WDR33: variants seen among roughly 807,000 people sequenced by gnomAD.
WDR33 encodes WD repeat domain 33, also known as pre-mRNA 3' end processing protein WDR33.
A neutral mutation model predicts 164.9 loss-of-function variants in WDR33; 47 were observed. The ratio of observed to expected loss-of-function variants is 0.29; its 90% CI spans 0.23 to 0.36. The LOEUF (loss-of-function observed/expected upper bound fraction) is 0.36. Ranked by LOEUF, WDR33 falls within the 10% of genes least tolerant of loss-of-function variation. The pLI is 1.00. For missense variants in WDR33, 1,137 were observed against 1,754.1 expected, an observed-to-expected ratio of 0.65 and a Z score of 6.28; for synonymous variants, 505 against 589.0, an observed-to-expected ratio of 0.86 and a Z score of 2.06.
chr2:127,727,942 A>G (rs1686610717), intron 7 of WDR33, among the ~76,000 whole-genome samples: 3 of 152,378 alleles, frequency 2.0e-5, no homozygotes, highest in South Asian at 2.1e-4. Flanking sequence ...GTACCCGTTC[A>G]TAAGGGGAGA....
At chr2:127,711,780 A>ATATATATTTTTTTTTTTTTTTTTTTT in intron 18 of WDR33, among the ~76,000 whole-genome samples, 2 of 88,304 alleles carry the variant, frequency 2.3e-5, no homozygotes, top group African/African-American at 1.3e-4. Context: ...ATATATATAT[A>ATATATATTTTTTTTTTTTTTTTTTTT]TTTTTTTTTT....
At chr2:127,783,987 A>G (rs1373527052) in intron 1 of WDR33, among the ~76,000 whole-genome samples, 1 of 74,374 alleles carries the variant, frequency 1.3e-5, no homozygotes, top group African/African-American at 8.8e-5. Flanking sequence ...CATATTAGAA[A>G]TGAAAAAAAA....
chr2:127,737,373 G>T (rs1003047298), intron 7 of WDR33: 55 of 985,366 alleles, frequency 5.6e-5, no homozygotes, highest in Non-Finnish European at 6.5e-5. Flanking sequence ...ATGTGTGTGT[G>T]TATGTTCGGG....
Position 127,702,143 on chromosome 2 carries a change from C to T in WDR33, c.*4180G>A, listed in dbSNP as rs1194136357. On this transcript the variant is annotated 3_prime_UTR_variant, in exon 22 of 22. Coordinates refer to ENST00000322313, the MANE Select transcript of WDR33 (RefSeq NM_018383.5). ...GCCTCGCACTGGGTCGCCTGGGCCGCGGCGCCGGCCTCGCCAAGGTGCTGC... is the reference window on the plus strand; with the variant it reads ...GCCTCGCACTGGGTCGCCTGGGCCGTGGCGCCGGCCTCGCCAAGGTGCTGC... The T allele has an allele frequency of 5.8e-6, 7 of 1,215,146 alleles. No individual in the cohort carries two copies. In the African/African-American group the frequency reaches 6.3e-5, roughly 11 times the overall value. The allele number at this position is 1,215,146 out of a possible 1,614,324, so 75.3% of individuals were successfully genotyped here.
chr2:127,734,889 G>C (rs1244920060), intron 7 of WDR33, among the ~76,000 whole-genome samples: 1 of 152,120 alleles, frequency 6.6e-6, no homozygotes, highest in East Asian at 1.9e-4. Flanking sequence ...AACCACACTT[G>C]AAATAGCAAA....
At chr2:127,774,345 C>A (rs1688112524) in intron 1 of WDR33, among the ~76,000 whole-genome samples, 1 of 151,938 alleles carries the variant, frequency 6.6e-6, no homozygotes, top group African/African-American at 2.4e-5. Flanking sequence ...AGTCACAGAT[C>A]CTGGCCCAAA....
rs770304067 is a variant in WDR33 at position 127,724,439 on chromosome 2, C to G, written c.1090G>C (p.Glu364Gln). 1 of 1,614,036 alleles carries G rather than the reference C, an allele frequency of 6.2e-7. No homozygotes were observed. The highest frequency in any genetic ancestry group is 1.7e-5 in the Admixed American group (1 of 60,030). Residue 364 changes from glutamate to glutamine, a missense_variant, in exon 11 of 22, where the codon GAG becomes CAG. Coordinates refer to ENST00000322313, the MANE Select transcript of WDR33 (RefSeq NM_018383.5). This position sits in a 1 kb window ranked among gnomAD's most constrained non-coding sequence, Gnocchi z 4.8. Reference protein sequence around the residue: ...GSLLFWHVGVEKEVGGMEMAH... With the variant: ...GSLLFWHVGVQKEVGGMEMAH... The stretch of plus-strand genomic sequence containing the variant: ...ATCTCCATCCCACCCACTTCCTTCT[C>G]TACCCTGCAACAGCACCAAAGAGAG...
chr2:127,714,089 G>T lies in WDR33; in HGVS notation c.2870-68C>A. The T allele has an allele frequency of 7.1e-7, 1 of 1,409,562 alleles. No individual in the cohort carries two copies. Among genetic ancestry groups the T allele is most frequent in the Non-Finnish European group, 9.4e-7 (1 of 1,069,124 alleles). The allele number at this position is 1,409,562 out of a possible 1,614,324, so 87.3% of individuals were successfully genotyped here. A position where few individuals can be genotyped will look rare whatever the true frequency, so the allele number is the denominator to read the frequency against. ...CCTGCCAACATAGGTCTGATCTGTA[G>T]CATCTCTACATTTCAGAATACATTC... On this transcript the variant is annotated intron_variant, in intron 17 of 21. Coordinates refer to ENST00000322313, the MANE Select transcript of WDR33 (RefSeq NM_018383.5). This position sits in a 1 kb window ranked among gnomAD's most constrained non-coding sequence, Gnocchi z 4.3.
rs1035702319 is a variant in WDR33, at chr2:127,702,431, C to G, written c.*3892G>C. 13 of 279,394 alleles carry G rather than the reference C, an allele frequency of 4.7e-5. No homozygotes were observed. The highest frequency in any genetic ancestry group is 8.4e-5 in the Non-Finnish European group (12 of 142,416). 17.3% of individuals were successfully genotyped at this position (279,394 alleles called of 1,614,324 possible). A position where few individuals can be genotyped will look rare whatever the true frequency, so the allele number is the denominator to read the frequency against. Reference sequence around the variant, plus strand: ...TGAGATTTTGTCATTGAACTGGTGACAGGATGTGAGACGGTTATTAGAAGT... The same window carrying G: ...TGAGATTTTGTCATTGAACTGGTGAGAGGATGTGAGACGGTTATTAGAAGT... On this transcript the variant is annotated 3_prime_UTR_variant, in exon 22 of 22. Coordinates refer to ENST00000322313, the MANE Select transcript of WDR33 (RefSeq NM_018383.5).
chr2:127,805,458 G>A (rs1689401927), intron 1 of WDR33, among the ~76,000 whole-genome samples: 1 of 151,972 alleles, frequency 6.6e-6, no homozygotes, highest in Non-Finnish European at 1.5e-5. Flanking sequence ...TAGTTTACAG[G>A]AAATAAAAGG....
chr2:127,755,390 A>G lies in WDR33; in HGVS notation c.724+7672T>C, dbSNP rs1687489623. Among the ~76,000 whole-genome samples the G allele has an allele frequency of 2.0e-5, 3 of 152,226 alleles. No individual in the cohort carries two copies. The South Asian group carries it at 6.2e-4, about 32-fold the overall frequency. The stretch of plus-strand genomic sequence containing the variant: ...ACATCCAGGGAAAACTTACTTTGGG[A>G]ATGACCTTTCACTCATGCAGCTAAA... On this transcript the variant is annotated intron_variant, in intron 7 of 21. Coordinates refer to ENST00000322313, the MANE Select transcript of WDR33 (RefSeq NM_018383.5).
intron 1 of WDR33, among the ~76,000 whole-genome samples, chr2:127,791,882 C>T (rs1296057524): frequency 2.0e-5 from 3 of 152,084 alleles, no homozygotes; most frequent in African/African-American, 4.8e-5. Context: ...TTATCCATTA[C>T]TGCTTTTATA....
At position 127,710,959 on chromosome 2, in the gene WDR33, A is replaced by G. The variant is rs1294261990; in HGVS notation, c.3309-1103T>C. 6.6e-6 allele frequency among the ~76,000 whole-genome samples: 1 copy of G among 152,178 alleles called. No individual in the cohort carries two copies. Among genetic ancestry groups the G allele is most frequent in the African/African-American group, 2.4e-5 (1 of 41,442 alleles). On this transcript the variant is annotated intron_variant, in intron 18 of 21. Coordinates refer to ENST00000322313, the MANE Select transcript of WDR33 (RefSeq NM_018383.5). The surrounding 1 kb of genome is among the most constrained non-coding windows in gnomAD (Gnocchi z 4.4). Reference sequence around the variant, plus strand: ...CTTCTCCGTCCAGCTACTCACAAACATGTTTTCTAAACCATTTGAAAATCA... The same window carrying G: ...CTTCTCCGTCCAGCTACTCACAAACGTGTTTTCTAAACCATTTGAAAATCA...
intron 1 of WDR33, among the ~76,000 whole-genome samples, chr2:127,794,228 G>A (rs1158393573): frequency 3.3e-5 from 5 of 151,718 alleles, no homozygotes; most frequent in Middle Eastern, 3.4e-3. Context: ...GGCCAGGCAC[G>A]GTGGCTCATG....
At chr2:127,725,244 CA>C in intron 8 of WDR33, 29 bp from the exon 9 acceptor site, 1 of 1,570,998 alleles carries the variant, frequency 6.4e-7, no homozygotes, top group Non-Finnish European at 8.6e-7. Flanking sequence ...AAAAAAATGT[CA>C]GAATTCAAAA....
chr2:127,789,969 C>T (rs28863241), intron 1 of WDR33, among the ~76,000 whole-genome samples: 2 of 152,056 alleles, frequency 1.3e-5, no homozygotes, highest in Non-Finnish European at 2.9e-5. Flanking sequence ...CAGAATAGCT[C>T]GGACTACAGG....
intron 4 of WDR33, among the ~76,000 whole-genome samples, chr2:127,766,255 C>G (rs1333889284): frequency 3.3e-5 from 5 of 152,076 alleles, no homozygotes; most frequent in Non-Finnish European, 7.4e-5. Flanking sequence ...TCCTATTTTC[C>G]AAAAACTCCG....
chr2:127,737,759 A>G, intron 7 of WDR33: 1 of 1,229,516 alleles, frequency 8.1e-7, no homozygotes, highest in Non-Finnish European at 1.0e-6. Flanking sequence ...GTCCTTTTGA[A>G]AGCAAGGTAG....
intron 7 of WDR33, among the ~76,000 whole-genome samples, chr2:127,761,624 C>G (rs933267276): frequency 6.6e-6 from 1 of 152,168 alleles, no homozygotes; most frequent in Non-Finnish European, 1.5e-5. Context: ...AGGAAAGATT[C>G]AACATAAGTG....
Sources: allele counts gnomAD v4.1 joint callset (sites outside exome capture counted in the v4.1 genomes callset), GRCh38; gene constraint gnomAD v4.1.1; non-coding constraint Gnocchi (gnomAD v3.1); transcripts MANE v1.5; gene names NCBI Gene and HGNC (gene_info 2026-07-23, HGNC 2026-07-21).